The following PCNT variants were observed in gnomAD, a reference collection of about 807,000 sequenced individuals.
PCNT encodes the protein pericentrin.
PCNT carries 319 observed loss-of-function variants against 380.4 expected under a neutral mutation model. The observed-to-expected ratio is 0.84, with a 90% CI of 0.77 to 0.92. The LOEUF is 0.92. PCNT is among the 40% of genes least tolerant of loss of function. The pLI is 0.00. For synonymous variants in PCNT, 1,845 were observed against 1,735.2 expected, an observed-to-expected ratio of 1.06 and a Z score of -1.57; for missense variants, 4,400 against 4,255.3, an observed-to-expected ratio of 1.03 and a Z score of -0.95.
chr21:46,379,285 G>A (rs1343899435), intron 15 of PCNT, among the ~76,000 whole-genome samples: 3 of 143,424 alleles, frequency 2.1e-5, no homozygotes, highest in Non-Finnish European at 4.7e-5. Flanking sequence ...CGTGAGCCGC[G>A]CCCGTCTTCC....
intron 15 of PCNT, among the ~76,000 whole-genome samples, chr21:46,377,303 C>T (rs961600770): frequency 3.3e-5 from 5 of 152,320 alleles, no homozygotes; most frequent in Middle Eastern, 3.4e-3. Context: ...CAGCAGGTCC[C>T]GGAGCAGCAG....
intron 7 of PCNT, 85 bp downstream of exon 7, chr21:46,349,271 G>A (rs952840104): frequency 1.3e-5 from 15 of 1,111,748 alleles, no homozygotes; most frequent in South Asian, 7.5e-5. Flanking sequence ...GTCACCATGC[G>A]TCATTGCGCA....
intron 18 of PCNT, 40 bp from the exon 19 acceptor site, chr21:46,389,159 C>T: frequency 1.9e-6 from 3 of 1,587,730 alleles, no homozygotes. Context: ...GGCCGGCTTG[C>T]TCACTGAGCC....
intron 11 of PCNT, among the ~76,000 whole-genome samples, chr21:46,354,821 C>T (rs1031279810): frequency 5.0e-4 from 76 of 152,278 alleles, no homozygotes; most frequent in African/African-American, 1.8e-3. Context: ...GAGTTCCCTG[C>T]AAAGCGGACC....
At chr21:46,358,195 A>G (rs796630396) in intron 13 of PCNT, among the ~76,000 whole-genome samples, 10 of 152,270 alleles carry the variant, frequency 6.6e-5, no homozygotes, top group African/African-American at 1.9e-4. Context: ...CTCAGGGTCC[A>G]TCCCGTGCCA....
chr21:46,346,347 G>T, intron 4 of PCNT, 139 bp downstream of exon 4: 1 of 768,418 alleles, frequency 1.3e-6, no homozygotes, highest in Non-Finnish European at 2.2e-6. Context: ...CTGTGTGTGG[G>T]GCCATCAGCA....
rs753301803 is a variant in PCNT at position 46,411,970 on chromosome 21, C to T, written c.5897C>T (p.Pro1966Leu). ...CACACACGGGTGCCCGGGGCCCACC[C>T]ACAGCCTCGCATGGATGGTGGCGCC... ...TAHTRVPGAHPQPRMDGGAKA... is the reference protein window; with the variant it reads ...TAHTRVPGAHLQPRMDGGAKA... Residue 1966 changes from proline (P) to leucine (L), a missense_variant, in exon 28 of 47, where the codon CCA (proline) becomes CTA (leucine). Pro to Leu is a moderately conservative substitution (Grantham distance 98). Transcript: ENST00000359568. 6.2e-7 allele frequency: 1 copy of T among 1,601,728 alleles called. No individual in the cohort carries two copies. Among genetic ancestry groups the T allele is most frequent in the South Asian group, 1.1e-5 (1 of 90,922 alleles).
intron 29 of PCNT, among the ~76,000 whole-genome samples, chr21:46,415,229 G>A (rs544977870): frequency 1.3e-5 from 2 of 152,308 alleles, no homozygotes; most frequent in Admixed American, 6.5e-5. Flanking sequence ...GCCTAGGCCC[G>A]CAGTTCTGAG....
Position 46,366,725 on chromosome 21 carries a change from G to A in PCNT, c.2751G>A (p.Ala917=), listed in dbSNP as rs147495565. ...AGCAGCAGCTCCTGTCAGTGACGGC[G>A]GAGCTCGAGGCCAGACACCAGGCCG... The part of the protein sequence containing the change: ...RHQQQLLSVT[A]ELEARHQAAL... Residue 917 remains alanine, a synonymous_variant, in exon 15 of 47, where the codon GCG becomes GCA. Coordinates refer to ENST00000359568, the MANE Select transcript of PCNT (RefSeq NM_006031.6). 50 of 1,613,522 alleles carry A rather than the reference G, an allele frequency of 3.1e-5. No individual in the cohort carries two copies. The highest frequency in any genetic ancestry group is 2.5e-4 in the African/African-American group (19 of 74,940).
Position 46,398,092 on chromosome 21 carries a change from G to A in PCNT, c.4525G>A (p.Ala1509Thr). The change falls in exon 23 of 47, where the codon GCG becomes ACG. Residue 1509 changes from alanine to threonine, a missense_variant. Transcript: ENST00000359568. ...GAGGCTGGAGGGGCAGCTCCGCCAG[G>A]CGGCCAAGCCGCAGCCCTGGGGCCC... Reference protein sequence around the residue: ...IQRLEGQLRQAAKPQPWGPRD... With the variant: ...IQRLEGQLRQTAKPQPWGPRD... 3 of 1,598,894 alleles carry A rather than the reference G, an allele frequency of 1.9e-6. No individual in the cohort carries two copies. The South Asian group carries it at 3.4e-5, about 18-fold the overall frequency.
At chr21:46,393,531 T>C (rs1041964092) in intron 21 of PCNT, among the ~76,000 whole-genome samples, 2 of 152,114 alleles carry the variant, frequency 1.3e-5, no homozygotes, top group African/African-American at 4.8e-5. Flanking sequence ...CAGCCGGCGC[T>C]GGGCCACACC....
At position 46,354,081 on chromosome 21, in the gene PCNT, G is replaced by A. The variant is rs368579694; in HGVS notation, c.1761+13G>A. On this transcript the variant is annotated intron_variant, in intron 11 of 46. Coordinates refer to ENST00000359568, the MANE Select transcript of PCNT (RefSeq NM_006031.6). ...TGAGCGACATAAGGTAATTGGCCGCGCGCTGAGAAGTGGGGGAGTCCTGTG... is the reference window on the plus strand; with the variant it reads ...TGAGCGACATAAGGTAATTGGCCGCACGCTGAGAAGTGGGGGAGTCCTGTG... The A allele has an allele frequency of 1.1e-4, 172 of 1,611,054 alleles. No homozygotes were observed. The African/African-American group carries it at 1.3e-3, about 12-fold the overall frequency.
Position 46,336,573 on chromosome 21 carries a change from C to G in PCNT, c.639+1805C>G, listed in dbSNP as rs558917985. 1.8e-4 allele frequency among the ~76,000 whole-genome samples: 28 copies of G among 152,306 alleles called. 1 individual carries two copies. In the East Asian group the frequency reaches 5.4e-3, roughly 29 times the overall value. On this transcript the variant is annotated intron_variant, in intron 3 of 46. Transcript: ENST00000359568. ...CTTGTGACACTGCAAGTTGGTGCCG[C>G]AGGCTCATCGTGTAGGCCCTGTCTC...
intron 3 of PCNT, among the ~76,000 whole-genome samples, chr21:46,343,464 C>T (rs1268187766): frequency 6.6e-6 from 1 of 151,670 alleles, no homozygotes; most frequent in African/African-American, 2.4e-5. Context: ...GAACCTTCAT[C>T]CCTGGTATGA....
intron 2 of PCNT, among the ~76,000 whole-genome samples, chr21:46,333,643 G>C (rs1245265904): frequency 6.6e-6 from 1 of 151,814 alleles, no homozygotes; most frequent in East Asian, 1.9e-4. Flanking sequence ...ACTCACACCT[G>C]TAATCCCAGC....
At chr21:46,437,833 G>T (rs2053503969) in intron 40 of PCNT, among the ~76,000 whole-genome samples, 1 of 152,224 alleles carries the variant, frequency 6.6e-6, no homozygotes, top group African/African-American at 2.4e-5. Context: ...ACGTCCTTTT[G>T]ATGGTGGAAG....
intron 25 of PCNT, 88 bp downstream of exon 25, chr21:46,399,884 G>A (rs891898949): frequency 4.3e-6 from 5 of 1,155,768 alleles, no homozygotes; most frequent in African/African-American, 3.0e-5. Context: ...AGTGGGCAGG[G>A]CGTCCTTCTT....
chr21:46,337,510 G>C (rs962509807), intron 3 of PCNT, among the ~76,000 whole-genome samples: 1 of 152,178 alleles, frequency 6.6e-6, no homozygotes, highest in African/African-American at 2.4e-5. Flanking sequence ...ATGTAGTCAG[G>C]TTCATTGGTC....
chr21:46,415,685 A>G lies in PCNT; in HGVS notation c.6151-384A>G, dbSNP rs1295665216. ...GGCGTGAGCCACTGCACCCGGCCCA[A>G]TTTTTTGAATTCTTAAGAGAAAGCT... On this transcript the variant is annotated intron_variant, in intron 29 of 46. Transcript: ENST00000359568. 3.3e-5 allele frequency among the ~76,000 whole-genome samples: 5 copies of G among 152,116 alleles called. No homozygotes were observed. In the East Asian group the frequency reaches 9.7e-4, roughly 30 times the overall value.
Sources: gnomAD v4.1 joint callset for allele counts (sites outside exome capture counted in the v4.1 genomes callset) on GRCh38, gnomAD v4.1.1 for gene constraint, MANE v1.5 for transcripts, NCBI Gene and HGNC (gene_info 2026-07-23, HGNC 2026-07-21) for gene names.